The following VIPAS39 variants were observed in gnomAD, a reference collection of about 807,000 sequenced individuals.
VIPAS39 encodes the protein spermatogenesis-defective protein 39 homolog.
Under a neutral mutation model 84.7 loss-of-function variants are expected in VIPAS39, and 63 were observed. The observed-to-expected ratio is 0.74, with a 90% CI of 0.61 to 0.92. VIPAS39 has a LOEUF of 0.92. VIPAS39 is among the 40% of genes least tolerant of loss of function. The pLI, the probability that VIPAS39 is intolerant of heterozygous loss-of-function variation, is 0.00. For synonymous variants in VIPAS39, 192 were observed against 216.5 expected (o/e 0.89, Z 0.99); for missense variants, 499 against 604.5 (o/e 0.83, Z 1.83).
intron 4 of VIPAS39, among the ~76,000 whole-genome samples, chr14:77,450,103 C>T (rs750246687): frequency 6.6e-6 from 1 of 152,190 alleles, no homozygotes; most frequent in Admixed American, 6.5e-5. Flanking sequence ...CTTTAACCAA[C>T]TCTACACCCT....
intron 7 of VIPAS39, among the ~76,000 whole-genome samples, chr14:77,444,963 ATT>A (rs879536978): frequency 1.4e-5 from 2 of 143,418 alleles, no homozygotes; most frequent in African/African-American, 2.6e-5. Context: ...TAGTTCAGTG[ATT>A]TTTTTTTTTT....
At chr14:77,439,624 C>T (rs2078668558) in intron 11 of VIPAS39, among the ~76,000 whole-genome samples, 1 of 152,024 alleles carries the variant, frequency 6.6e-6, no homozygotes, top group African/African-American at 2.4e-5. Context: ...CCCGTCTCTA[C>T]AAAAAGATTT....
At position 77,438,020 on chromosome 14, in the gene VIPAS39, G is replaced by A. The variant is rs922053652; in HGVS notation, c.763-139C>T. 2.5e-5 allele frequency: 19 copies of A among 772,192 alleles called. No individual in the cohort carries two copies. The Admixed American group carries it at 3.9e-4, about 16-fold the overall frequency. 47.8% of individuals were successfully genotyped at this position (772,192 alleles called of 1,614,324 possible). A position where few individuals can be genotyped will look rare whatever the true frequency, so the allele number is the denominator to read the frequency against. On this transcript the variant is annotated intron_variant, in intron 11 of 19. Coordinates refer to ENST00000557658, the MANE Select transcript of VIPAS39 (RefSeq NM_001193315.2). Reference sequence around the variant, plus strand: ...GATGGTTATTGGAGGCGGGTGGGGGGATAGGCAAAGAGTGACTAAGTATCA... The same window carrying A: ...GATGGTTATTGGAGGCGGGTGGGGGAATAGGCAAAGAGTGACTAAGTATCA...
chr14:77,440,559 A>T (rs940162754), intron 11 of VIPAS39: 3 of 157,030 alleles, frequency 1.9e-5, no homozygotes, highest in Admixed American at 6.1e-5. Context: ...TTTATTTTTT[A>T]AAATTTATTC....
chr14:77,447,324 C>T (rs560162587), intron 7 of VIPAS39, among the ~76,000 whole-genome samples: 1 of 148,824 alleles, frequency 6.7e-6, no homozygotes, highest in Non-Finnish European at 1.5e-5. Flanking sequence ...CGTGCCCGGC[C>T]GCACACCTGG....
chr14:77,431,662 C>T (rs995455649), intron 16 of VIPAS39, among the ~76,000 whole-genome samples: 3 of 151,770 alleles, frequency 2.0e-5, no homozygotes, highest in Non-Finnish European at 4.4e-5. Context: ...AGAGTGAGAC[C>T]CTCTCTCAAA....
chr14:77,436,894 C>T (rs2078621421), intron 12 of VIPAS39, among the ~76,000 whole-genome samples: 1 of 152,208 alleles, frequency 6.6e-6, no homozygotes. Context: ...CCATACTCTG[C>T]TCACTCCAGG....
chr14:77,453,102 T>C (rs2078907822), intron 3 of VIPAS39, among the ~76,000 whole-genome samples, 197 bp downstream of exon 3: 1 of 152,200 alleles, frequency 6.6e-6, no homozygotes, highest in African/African-American at 2.4e-5. Flanking sequence ...AGAGCAGACC[T>C]ATATAGCCAT....
At chr14:77,436,159 A>C (rs1049242984) in intron 12 of VIPAS39, among the ~76,000 whole-genome samples, 11 of 152,204 alleles carry the variant, frequency 7.2e-5, no homozygotes, top group African/African-American at 2.7e-4. Flanking sequence ...GTCACTCATA[A>C]TTTTGCTGAT....
intron 1 of VIPAS39, 104 bp from the exon 2 acceptor site, chr14:77,454,206 A>C (rs753599123): frequency 1.5e-4 from 159 of 1,047,646 alleles, no homozygotes; most frequent in Middle Eastern, 8.5e-4. Context: ...AAAATCAAGG[A>C]TGCAGAAAAG....
intron 7 of VIPAS39, among the ~76,000 whole-genome samples, chr14:77,445,075 C>G (rs1023808728): frequency 1.1e-4 from 16 of 151,902 alleles, no homozygotes; most frequent in Admixed American, 5.9e-4. Flanking sequence ...TCTCCTGCCT[C>G]AGCCTCCCGA....
At chr14:77,433,962 G>A (rs1312355427) in intron 15 of VIPAS39, 31 bp from the exon 16 acceptor site, 2 of 1,606,660 alleles carry the variant, frequency 1.2e-6, no homozygotes, top group Non-Finnish European at 8.5e-7. Context: ...AAAATTAAGG[G>A]GAAGTAGAAA....
chr14:77,455,054 T>C (rs978741432), intron 1 of VIPAS39, among the ~76,000 whole-genome samples: 13 of 152,266 alleles, frequency 8.5e-5, no homozygotes, highest in Admixed American at 5.2e-4. Context: ...TATTAACAAC[T>C]GTTGGCCAAA....
At chr14:77,447,265 T>A (rs1251696086) in intron 7 of VIPAS39, among the ~76,000 whole-genome samples, 1 of 152,136 alleles carries the variant, frequency 6.6e-6, no homozygotes, top group Non-Finnish European at 1.5e-5. Context: ...CCTCAGGTGA[T>A]CTGCCTGTCT....
In VIPAS39 at chr14:77,434,269, G is replaced by T. The variant is rs773976661; in HGVS notation, c.1082C>A (p.Thr361Lys). 6.2e-7 allele frequency: 1 copy of T among 1,614,054 alleles called. No individual in the cohort carries two copies. The highest frequency in any genetic ancestry group is 8.5e-7 in the Non-Finnish European group (1 of 1,179,960). The change falls in exon 15 of 20, where the codon ACA becomes AAA. Residue 361 changes from threonine (T) to lysine (K), a missense_variant. Physicochemically the swap from Thr to Lys is moderately conservative, Grantham distance 78. Coordinates refer to ENST00000557658, the MANE Select transcript of VIPAS39 (RefSeq NM_001193315.2). ...TGACCAATTTGTATCTACCTTAAATGTCTTCTTCAGGTTGACGGGACTGCT... is the reference window on the plus strand; with the variant it reads ...TGACCAATTTGTATCTACCTTAAATTTCTTCTTCAGGTTGACGGGACTGCT... Reference protein sequence around the residue: ...TFSSPVNLKKTFKIPDKQYVL... With the variant: ...TFSSPVNLKKKFKIPDKQYVL...
rs143951008 is a variant in VIPAS39 at position 77,434,285 on chromosome 14, C to T, written c.1066G>A (p.Val356Ile). ...TEAEGTFSSP[V>I]NLKKTFKIPD... ...ACCTTAAATGTCTTCTTCAGGTTGA[C>T]GGGACTGCTGAATGTCCCCTAGGAT... Residue 356 changes from valine to isoleucine, a missense_variant, in exon 15 of 20, where the codon GTC becomes ATC. By Grantham distance (29) the Val-to-Ile change is conservative. Coordinates refer to ENST00000557658, the MANE Select transcript of VIPAS39 (RefSeq NM_001193315.2). 9.7e-5 allele frequency: 156 copies of T among 1,613,956 alleles called. No individual in the cohort carries two copies. Among genetic ancestry groups the T allele is most frequent in the South Asian group, 1.2e-4 (11 of 91,086 alleles).
Position 77,453,921 on chromosome 14 carries a change from G to A in VIPAS39, c.93+89C>T, listed in dbSNP as rs561554220. On this transcript the variant is annotated intron_variant, in intron 2 of 19. Coordinates refer to ENST00000557658, the MANE Select transcript of VIPAS39 (RefSeq NM_001193315.2). ...TTCTGAGCCTAATGAAGACATACAT[G>A]GTCAAAAGCCTAGTTACCCAGAATG... is the stretch of plus-strand genomic sequence containing the variant. The A allele has an allele frequency of 2.4e-5, 30 of 1,243,442 alleles. No individual in the cohort carries two copies. The African/African-American group carries it at 2.5e-4, about 10-fold the overall frequency. 77.0% of individuals were successfully genotyped at this position (1,243,442 alleles called of 1,614,324 possible).
chr14:77,432,067 G>A (rs911781337), intron 16 of VIPAS39, among the ~76,000 whole-genome samples: 2 of 152,098 alleles, frequency 1.3e-5, no homozygotes, highest in Admixed American at 1.3e-4. Flanking sequence ...TAATAGTACT[G>A]TACTGTAATC....
chr14:77,452,312 C>G (rs2078894401), intron 3 of VIPAS39, among the ~76,000 whole-genome samples: 4 of 152,006 alleles, frequency 2.6e-5, no homozygotes, highest in African/African-American at 9.7e-5. Flanking sequence ...GATGAATACA[C>G]AGGAACCAAG....
Sources: allele counts gnomAD v4.1 joint callset (sites outside exome capture counted in the v4.1 genomes callset), GRCh38; gene constraint gnomAD v4.1.1; transcripts MANE v1.5; gene names NCBI Gene and HGNC (gene_info 2026-07-23, HGNC 2026-07-21).